The following PTPN13 variants were observed in gnomAD, a reference collection of about 807,000 sequenced individuals.
PTPN13 encodes the protein protein tyrosine phosphatase non-receptor type 13.
PTPN13 carries 191 observed loss-of-function variants against 284.0 expected under a neutral mutation model. That is an observed-to-expected ratio of 0.67 (90% CI 0.60 to 0.76). The LOEUF (loss-of-function observed/expected upper bound fraction) is 0.76. Among genes scored for constraint, PTPN13 ranks in the 30% least tolerant of loss-of-function variants. The pLI is 0.00. For synonymous variants in PTPN13, 986 were observed against 1,022.3 expected, an observed-to-expected ratio of 0.96 and a Z score of 0.68; for missense variants, 2,797 against 2,939.9, an observed-to-expected ratio of 0.95 and a Z score of 1.12.
intron 7 of PTPN13, among the ~76,000 whole-genome samples, chr4:86,707,681 T>C (rs1470129201): frequency 6.6e-6 from 1 of 152,170 alleles, no homozygotes; most frequent in African/African-American, 2.4e-5. Flanking sequence ...AAAACTAGTA[T>C]TTCTTTACTT....
chr4:86,751,002 T>G (rs1737323587), intron 18 of PTPN13, 25 bp from the exon 19 acceptor site: 1 of 1,576,850 alleles, frequency 6.3e-7, no homozygotes, highest in African/African-American at 1.4e-5. Context: ...AACACTTCCC[T>G]CCTACCTTCC....
At chr4:86,718,562 T>G (rs1182451451) in intron 9 of PTPN13, among the ~76,000 whole-genome samples, 1 of 151,966 alleles carries the variant, frequency 6.6e-6, no homozygotes, top group East Asian at 1.9e-4. Flanking sequence ...GCAGTTCTCC[T>G]GCCTCAGCCT....
intron 3 of PTPN13, among the ~76,000 whole-genome samples, chr4:86,680,347 C>CTATCTCTATCTATCTA (rs1554306602): frequency 7.0e-6 from 1 of 142,550 alleles, no homozygotes; most frequent in Non-Finnish European, 1.5e-5. Flanking sequence ...TTCTATCTAT[C>CTATCTCTATCTATCTA]TCTATCTATC....
intron 46 of PTPN13, among the ~76,000 whole-genome samples, chr4:86,810,360 GAA>G (rs1356967802): frequency 5.3e-5 from 8 of 151,612 alleles, no homozygotes; most frequent in Non-Finnish European, 1.2e-4. Flanking sequence ...TTTTTTTAAT[GAA>G]AAAGCTTGTA....
chr4:86,664,383 A>G (rs1173832012), intron 2 of PTPN13, among the ~76,000 whole-genome samples: 1 of 152,144 alleles, frequency 6.6e-6, no homozygotes, highest in African/African-American at 2.4e-5. Flanking sequence ...GCTTTTCTTG[A>G]TAGTGGAACT....
chr4:86,771,979 A>G (rs1313732865), intron 31 of PTPN13, among the ~76,000 whole-genome samples: 1 of 152,226 alleles, frequency 6.6e-6, no homozygotes, highest in African/African-American at 2.4e-5. Flanking sequence ...GAGAAGGACT[A>G]CATCAATACA....
chr4:86,725,321 G>C lies in PTPN13; in HGVS notation c.1608+2887G>C, dbSNP rs984246094. 4.7e-5 allele frequency among the ~76,000 whole-genome samples: 7 copies of C among 149,120 alleles called. No individual in the cohort carries two copies. In the Admixed American group the frequency reaches 4.7e-4, roughly 10 times the overall value. ...ATGGTAGCGTGATTTATAATCCTTT[G>C]GGTATATACCCAGTAATAGGATCGC... On this transcript the variant is annotated intron_variant, in intron 10 of 47. Transcript: ENST00000411767.
intron 3 of PTPN13, among the ~76,000 whole-genome samples, chr4:86,677,340 G>T (rs1227819004): frequency 6.7e-6 from 1 of 148,960 alleles, no homozygotes; most frequent in Non-Finnish European, 1.5e-5. Context: ...TTTTGAGACG[G>T]AGTCTAGCTC....
chr4:86,754,081 T>C (rs1027071500), intron 20 of PTPN13, among the ~76,000 whole-genome samples: 4 of 152,094 alleles, frequency 2.6e-5, no homozygotes, highest in Non-Finnish European at 5.9e-5. Flanking sequence ...ACTAATTCTT[T>C]AAGACAGAAA....
At chr4:86,693,016 T>C (rs1730190924) in intron 5 of PTPN13, among the ~76,000 whole-genome samples, 1 of 143,770 alleles carries the variant, frequency 7.0e-6, no homozygotes, top group Non-Finnish European at 1.5e-5. Context: ...GAGGCAGAGG[T>C]TGCAGTGAAC....
intron 2 of PTPN13, among the ~76,000 whole-genome samples, chr4:86,670,097 C>A (rs1280102315): frequency 6.6e-6 from 1 of 150,702 alleles, no homozygotes; most frequent in Non-Finnish European, 1.5e-5. Flanking sequence ...AATAAAAAAC[C>A]GAGAAGGCGC....
chr4:86,617,356 C>T (rs145339965), intron 1 of PTPN13, among the ~76,000 whole-genome samples: 4 of 152,120 alleles, frequency 2.6e-5, no homozygotes, highest in South Asian at 2.1e-4. Context: ...TTTTACTTTA[C>T]GATGGTGCAA....
chr4:86,679,397 C>T (rs1442717049), intron 3 of PTPN13, among the ~76,000 whole-genome samples: 1 of 152,158 alleles, frequency 6.6e-6, no homozygotes, highest in East Asian at 1.9e-4. Flanking sequence ...CCCCTATGCT[C>T]TCTACTAGTG....
chr4:86,796,764 T>A (rs754520306), intron 40 of PTPN13, 110 bp from the exon 41 acceptor site: 1 of 699,464 alleles, frequency 1.4e-6, no homozygotes. Flanking sequence ...CTTTGTAATA[T>A]AAGGATGAAC....
chr4:86,806,321 T>C (rs1018463352), intron 44 of PTPN13, among the ~76,000 whole-genome samples: 4 of 152,092 alleles, frequency 2.6e-5, no homozygotes, highest in Non-Finnish European at 5.9e-5. Context: ...GTATATATGT[T>C]AGCACTTTGG....
chr4:86,617,547 GTA>G (rs1720702041), intron 1 of PTPN13, among the ~76,000 whole-genome samples: 1 of 151,918 alleles, frequency 6.6e-6, no homozygotes, highest in Non-Finnish European at 1.5e-5. Flanking sequence ...TTAGCATTAG[GTA>G]TATCTCCTAA....
At chr4:86,757,791 T>C (rs760902880) in intron 20 of PTPN13, among the ~76,000 whole-genome samples, 1 of 141,622 alleles carries the variant, frequency 7.1e-6, no homozygotes, top group Non-Finnish European at 1.5e-5. Context: ...CAGTTTCCTC[T>C]TGCTATTTTA....
chr4:86,605,150 G>A (rs568310937), intron 1 of PTPN13, among the ~76,000 whole-genome samples: 1 of 151,908 alleles, frequency 6.6e-6, no homozygotes, highest in Non-Finnish European at 1.5e-5. Context: ...GGACAGAGAA[G>A]GGAGTGCCTA....
At chr4:86,688,932 T>C in intron 4 of PTPN13, 73 bp from the exon 5 acceptor site, 3 of 1,236,000 alleles carry the variant, frequency 2.4e-6, no homozygotes, top group Non-Finnish European at 3.5e-6. Flanking sequence ...CTGTGATTCC[T>C]AGAATGATTT....
Sources: allele counts gnomAD v4.1 joint callset (sites outside exome capture counted in the v4.1 genomes callset), GRCh38; gene constraint gnomAD v4.1.1; transcripts MANE v1.5; gene names NCBI Gene and HGNC (gene_info 2026-07-23, HGNC 2026-07-21).